The following CADM2 variants were observed in gnomAD, a reference collection of about 807,000 sequenced individuals.
CADM2 encodes the protein immunoglobulin superfamily member 4D.
Under a neutral mutation model 49.8 loss-of-function variants are expected in CADM2, and 12 were observed. The ratio of observed to expected loss-of-function variants is 0.24; its 90% CI spans 0.15 to 0.39. CADM2 has a LOEUF of 0.39. Among genes scored for constraint, CADM2 ranks in the 10% least tolerant of loss-of-function variants. The pLI is 1.00. For missense variants in CADM2, 378 were observed against 492.3 expected (o/e 0.77, Z 2.20); for synonymous variants, 214 against 175.4 (o/e 1.22, Z -1.74).
intron 1 of CADM2, among the ~76,000 whole-genome samples, chr3:84,979,104 T>G (rs1392896062): frequency 1.3e-5 from 2 of 152,156 alleles, no homozygotes; most frequent in African/African-American, 4.8e-5. Flanking sequence ...GAAGACTGAC[T>G]CCAATTCAGC....
chr3:85,577,703 T>G (rs368955854), intron 1 of CADM2, among the ~76,000 whole-genome samples: 1 of 152,198 alleles, frequency 6.6e-6, no homozygotes, highest in African/African-American at 2.4e-5. Context: ...TTTTTAAAAT[T>G]AAAAACATTT....
At chr3:85,348,419 G>T (rs190100955) in intron 1 of CADM2, among the ~76,000 whole-genome samples, 2 of 152,078 alleles carry the variant, frequency 1.3e-5, no homozygotes, top group Admixed American at 1.3e-4. Context: ...CTAAATATCT[G>T]GGTACCCCAT....
At chr3:85,988,939 T>C (rs1728447413) in intron 8 of CADM2, among the ~76,000 whole-genome samples, 2 of 152,190 alleles carry the variant, frequency 1.3e-5, no homozygotes, top group South Asian at 4.1e-4. Context: ...TTGAGAAGCA[T>C]GTGTTTTCAA....
At chr3:85,559,018 A>T (rs2062026166) in intron 1 of CADM2, among the ~76,000 whole-genome samples, 1 of 152,056 alleles carries the variant, frequency 6.6e-6, no homozygotes, top group Non-Finnish European at 1.5e-5. Flanking sequence ...AGATTGAATT[A>T]TCTTTGTTTT....
At chr3:85,194,935 T>G (rs371534739) in intron 1 of CADM2, among the ~76,000 whole-genome samples, 12 of 152,090 alleles carry the variant, frequency 7.9e-5, no homozygotes, top group African/African-American at 2.9e-4. Context: ...AATGAACTCC[T>G]GGGCTAAAGC....
chr3:85,053,412 T>C (rs1198264699), intron 1 of CADM2, among the ~76,000 whole-genome samples: 1 of 151,914 alleles, frequency 6.6e-6, no homozygotes, highest in African/African-American at 2.4e-5. Context: ...TGACCAAGAA[T>C]TTGAAGGAAA....
chr3:86,019,537 A>C (rs1308025482), intron 8 of CADM2, among the ~76,000 whole-genome samples: 33 of 148,254 alleles, frequency 2.2e-4, no homozygotes, highest in Admixed American at 5.4e-4. Flanking sequence ...ATTTGTTTGT[A>C]TCCTCTTTTA....
intron 1 of CADM2, among the ~76,000 whole-genome samples, chr3:85,347,373 A>G (rs2030791702): frequency 6.7e-6 from 1 of 150,076 alleles, no homozygotes; most frequent in African/African-American, 2.4e-5. Context: ...TCACGTATGT[A>G]TAATTTTAAG....
intron 6 of CADM2, among the ~76,000 whole-genome samples, chr3:85,926,265 G>T (rs1308577227): frequency 6.6e-6 from 1 of 151,760 alleles, no homozygotes; most frequent in African/African-American, 2.4e-5. Context: ...GTTTTTTTGG[G>T]GGCTGGTGTG....
chr3:85,721,510 G>A (rs1044804598), intron 1 of CADM2, among the ~76,000 whole-genome samples: 1 of 152,100 alleles, frequency 6.6e-6, no homozygotes, highest in Non-Finnish European at 1.5e-5. Context: ...GAATGGTGAG[G>A]GGTGTATGTG....
intron 1 of CADM2, among the ~76,000 whole-genome samples, chr3:85,486,930 C>T (rs955510334): frequency 6.9e-6 from 1 of 145,468 alleles, no homozygotes; most frequent in Non-Finnish European, 1.5e-5. Flanking sequence ...AGAATGTAAG[C>T]ACTTTTAATA....
chr3:85,509,909 C>T (rs1022450452), intron 1 of CADM2, among the ~76,000 whole-genome samples: 25 of 151,966 alleles, frequency 1.6e-4, no homozygotes, highest in African/African-American at 5.8e-4. Flanking sequence ...GAAGAATCTT[C>T]TTATATTAAA....
intron 1 of CADM2, among the ~76,000 whole-genome samples, chr3:85,231,929 G>T (rs1324137640): frequency 6.6e-6 from 1 of 151,316 alleles, no homozygotes. Context: ...TGGTCAGGCT[G>T]GTCTCGAACT....
At chr3:85,962,439 A>C (rs2108618150) in intron 8 of CADM2, among the ~76,000 whole-genome samples, 1 of 152,120 alleles carries the variant, frequency 6.6e-6, no homozygotes, top group Non-Finnish European at 1.5e-5. Context: ...CAATAATTTA[A>C]AGTTCCTACA....
chr3:85,110,233 G>C (rs1039887450), intron 1 of CADM2, among the ~76,000 whole-genome samples: 4 of 151,670 alleles, frequency 2.6e-5, no homozygotes, highest in Non-Finnish European at 4.4e-5. Flanking sequence ...AGGTCTATTC[G>C]TATAGATAAG....
intron 1 of CADM2, among the ~76,000 whole-genome samples, chr3:85,347,651 A>T (rs983478458): frequency 2.6e-4 from 15 of 58,632 alleles, no homozygotes; most frequent in Admixed American, 2.3e-3. Flanking sequence ...ATATATATAT[A>T]TTTTTTTTAA....
chr3:85,904,838 C>A (rs1716576718), intron 5 of CADM2, among the ~76,000 whole-genome samples: 1 of 152,156 alleles, frequency 6.6e-6, no homozygotes, highest in Non-Finnish European at 1.5e-5. Context: ...TTGTCTCTCA[C>A]TTCCTGCTAA....
At chr3:85,353,455 G>A (rs1036595573) in intron 1 of CADM2, among the ~76,000 whole-genome samples, 6 of 151,392 alleles carry the variant, frequency 4.0e-5, no homozygotes, top group Non-Finnish European at 7.4e-5. Context: ...AAATAATTCT[G>A]TCTTCTATTT....
intron 1 of CADM2, among the ~76,000 whole-genome samples, chr3:84,968,272 C>G (rs2031163189): frequency 6.6e-6 from 1 of 151,966 alleles, no homozygotes. Flanking sequence ...ATTTTAGTCT[C>G]CCTTTACTCA....
Sources: allele counts gnomAD v4.1 joint callset (sites outside exome capture counted in the v4.1 genomes callset), GRCh38; gene constraint gnomAD v4.1.1; transcripts MANE v1.5; gene names NCBI Gene and HGNC (gene_info 2026-07-23, HGNC 2026-07-21).